Variants in ULK4 observed in about 807,000 individuals in gnomAD.
ULK4 encodes the protein inactive serine/threonine-protein kinase ULK4.
In ULK4, 133 loss-of-function variants were observed where a neutral mutation model predicts 160.6. That is an observed-to-expected ratio of 0.83 (90% CI 0.72 to 0.96). The LOEUF is 0.96. Ranked by LOEUF, ULK4 falls within the 40% of genes least tolerant of loss-of-function variation. ULK4 has a pLI of 0.00. For missense variants in ULK4, 1,580 were observed against 1,499.5 expected, an observed-to-expected ratio of 1.05 and a Z score of -0.89; for synonymous variants, 534 against 539.8, an observed-to-expected ratio of 0.99 and a Z score of 0.15.
intron 35 of ULK4, among the ~76,000 whole-genome samples, chr3:41,379,551 G>C (rs1216176846): frequency 6.6e-6 from 1 of 152,162 alleles, no homozygotes; most frequent in Admixed American, 6.5e-5. Context: ...CCATCACTGG[G>C]ATACCGGTCT....
chr3:41,709,685 G>A (rs373546966), intron 25 of ULK4, among the ~76,000 whole-genome samples: 20 of 152,010 alleles, frequency 1.3e-4, no homozygotes, highest in African/African-American at 3.9e-4. Flanking sequence ...ATGCCTGGCC[G>A]AGTTAATTTT....
At chr3:41,431,547 C>CATTTTTTTTTTTTTTTTTTTTTTTTTTTT (rs563543377) in intron 34 of ULK4, among the ~76,000 whole-genome samples, 4 of 95,854 alleles carry the variant, frequency 4.2e-5, no homozygotes, top group African/African-American at 1.7e-4. Context: ...AATTCCCTCC[C>CATTTTTTTTTTTTTTTTTTTTTTTTTTTT]TTTTTTTTTT....
Position 41,721,279 on chromosome 3 carries a change from T to G in ULK4, c.2322-3418A>C, listed in dbSNP as rs9813301. Reference sequence around the variant, plus strand: ...AATTTTTTTTTTTTTTTTTTTTTTTTTTTTTGGGTTTTGAACCATGAGTAT... The same window carrying G: ...AATTTTTTTTTTTTTTTTTTTTTTTGTTTTTGGGTTTTGAACCATGAGTAT... On this transcript the variant is annotated intron_variant, in intron 22 of 36. Transcript: ENST00000301831. Among the ~76,000 whole-genome samples, 521 of 98,914 alleles carry G rather than the reference T, an allele frequency of 5.3e-3. 17 individuals are homozygous for G. Among genetic ancestry groups the G allele is most frequent in the African/African-American group, 0.019 (424 of 22,890 alleles). 64.9% of individuals were successfully genotyped at this position (98,914 alleles called of 152,430 possible).
At chr3:41,584,431 A>G (rs2030631617) in intron 31 of ULK4, among the ~76,000 whole-genome samples, 1 of 152,096 alleles carries the variant, frequency 6.6e-6, no homozygotes, top group African/African-American at 2.4e-5. Flanking sequence ...AGCTGGTACC[A>G]TAGGTGCATG....
intron 21 of ULK4, among the ~76,000 whole-genome samples, chr3:41,781,656 T>C (rs1575699411): frequency 6.6e-6 from 1 of 152,202 alleles, no homozygotes; most frequent in African/African-American, 2.4e-5. Flanking sequence ...AAACTGGCCA[T>C]GGTCACGTGC....
At chr3:41,874,605 G>T (rs1378069889) in intron 17 of ULK4, among the ~76,000 whole-genome samples, 1 of 152,148 alleles carries the variant, frequency 6.6e-6, no homozygotes, top group Non-Finnish European at 1.5e-5. Flanking sequence ...TGTAACTCAG[G>T]AATAGAAATC....
chr3:41,424,071 C>T (rs999874540), intron 34 of ULK4, among the ~76,000 whole-genome samples: 13 of 151,992 alleles, frequency 8.6e-5, no homozygotes, highest in South Asian at 2.1e-4. Context: ...CTACCATCAC[C>T]GCAGCTCCAG....
chr3:41,720,180 A>C (rs191302139), intron 22 of ULK4, among the ~76,000 whole-genome samples: 1 of 152,340 alleles, frequency 6.6e-6, no homozygotes, highest in Non-Finnish European at 1.5e-5. Flanking sequence ...AAAAATACCT[A>C]AGGGCAAGGA....
At chr3:41,391,937 A>C (rs1319246503) in intron 35 of ULK4, among the ~76,000 whole-genome samples, 1 of 152,094 alleles carries the variant, frequency 6.6e-6, no homozygotes, top group African/African-American at 2.4e-5. Flanking sequence ...ACATCAGCAT[A>C]TTATAGTCAC....
intron 8 of ULK4, 114 bp downstream of exon 8, chr3:41,915,863 A>G: frequency 1.4e-6 from 1 of 690,892 alleles, no homozygotes; most frequent in Non-Finnish European, 2.5e-6. Flanking sequence ...ACCATTTTAG[A>G]AGTACATAAA....
At chr3:41,698,733 A>G (rs2036577826) in intron 27 of ULK4, among the ~76,000 whole-genome samples, 1 of 152,152 alleles carries the variant, frequency 6.6e-6, no homozygotes, top group African/African-American at 2.4e-5. Flanking sequence ...CAATTCAGAT[A>G]ATTTTCACAA....
chr3:41,769,509 A>G (rs2125917045), intron 21 of ULK4, among the ~76,000 whole-genome samples: 1 of 152,364 alleles, frequency 6.6e-6, no homozygotes, highest in African/African-American at 2.4e-5. Flanking sequence ...ACATACCCAA[A>G]TATTACTGTG....
At chr3:41,282,910 G>C (rs1437634714) in intron 35 of ULK4, among the ~76,000 whole-genome samples, 1 of 151,618 alleles carries the variant, frequency 6.6e-6, no homozygotes, top group Non-Finnish European at 1.5e-5. Context: ...ATCTGACAAA[G>C]GGCTAATATC....
intron 5 of ULK4, among the ~76,000 whole-genome samples, chr3:41,928,287 G>A (rs1316764844): frequency 1.3e-5 from 2 of 152,120 alleles, no homozygotes; most frequent in Non-Finnish European, 2.9e-5. Flanking sequence ...AAATAAAGAA[G>A]TTCTTTGAAA....
intron 32 of ULK4, among the ~76,000 whole-genome samples, chr3:41,510,690 C>T (rs961150429): frequency 6.6e-6 from 1 of 152,090 alleles, no homozygotes; most frequent in Non-Finnish European, 1.5e-5. Flanking sequence ...CCCTCAAAAC[C>T]ATGCAAATAC....
intron 27 of ULK4, among the ~76,000 whole-genome samples, chr3:41,702,290 A>T (rs1477396881): frequency 6.6e-6 from 1 of 152,064 alleles, no homozygotes; most frequent in Non-Finnish European, 1.5e-5. Context: ...GATTACAGGC[A>T]AGTGCCACCA....
chr3:41,837,322 A>C (rs1295258122), intron 17 of ULK4, among the ~76,000 whole-genome samples: 1 of 152,194 alleles, frequency 6.6e-6, no homozygotes, highest in Non-Finnish European at 1.5e-5. Context: ...TCATCACTGC[A>C]ATCAAGATAA....
chr3:41,455,833 C>G (rs1168759481), intron 33 of ULK4, among the ~76,000 whole-genome samples: 1 of 152,166 alleles, frequency 6.6e-6, no homozygotes, highest in Non-Finnish European at 1.5e-5. Flanking sequence ...CTGGACAGCA[C>G]ATAGATAAAG....
At chr3:41,564,501 T>C (rs1302913048) in intron 32 of ULK4, among the ~76,000 whole-genome samples, 1 of 130,528 alleles carries the variant, frequency 7.7e-6, no homozygotes, top group African/African-American at 2.8e-5. Flanking sequence ...TCTTGTACCC[T>C]AGGCTGGAGT....
Sources: allele counts gnomAD v4.1 joint callset (sites outside exome capture counted in the v4.1 genomes callset), GRCh38; gene constraint gnomAD v4.1.1; transcripts MANE v1.5; gene names NCBI Gene and HGNC (gene_info 2026-07-23, HGNC 2026-07-21).